Variants in SETBP1 observed in about 807,000 individuals in gnomAD.
SETBP1 encodes the protein SET-binding protein.
A neutral mutation model predicts 101.0 loss-of-function variants in SETBP1; 9 were observed. That is an observed-to-expected ratio of 0.09 (90% CI 0.05 to 0.16). The LOEUF is 0.16. Among genes scored for constraint, SETBP1 ranks in the 10% least tolerant of loss-of-function variants. The probability of loss-of-function intolerance (pLI) is 1.00; values close to 1 mark genes in which losing one functional copy is unlikely to be tolerated. For missense variants in SETBP1, 1,858 were observed against 2,033.8 expected, an observed-to-expected ratio of 0.91 and a Z score of 1.66; for synonymous variants, 818 against 788.5, an observed-to-expected ratio of 1.04 and a Z score of -0.63.
chr18:45,062,434 A>C (rs2073904464), intron 5 of SETBP1, among the ~76,000 whole-genome samples: 1 of 152,238 alleles, frequency 6.6e-6, no homozygotes, highest in Non-Finnish European at 1.5e-5. Context: ...GGAAAAGCAC[A>C]GCGAGATGAT....
At chr18:45,005,157 C>G (rs2072698369) in intron 4 of SETBP1, among the ~76,000 whole-genome samples, 1 of 152,148 alleles carries the variant, frequency 6.6e-6, no homozygotes, top group Non-Finnish European at 1.5e-5. Flanking sequence ...AAAATACAAC[C>G]TCATGTACTA....
At chr18:44,986,680 A>T (rs2072242665) in intron 4 of SETBP1, 1 of 151,170 alleles carries the variant, frequency 6.6e-6, no homozygotes, top group Non-Finnish European at 1.5e-5. Flanking sequence ...AGATACATTC[A>T]CCTAGGCCTA....
chr18:44,920,375 G>A lies in SETBP1; in HGVS notation c.541-29506G>A, dbSNP rs539331287. ...ATTTAAACCACTGCCCTACTCATCCGTGTATCCTAGAATGGGATCTGGCAT... is the reference window on the plus strand; with the variant it reads ...ATTTAAACCACTGCCCTACTCATCCATGTATCCTAGAATGGGATCTGGCAT... On this transcript the variant is annotated intron_variant, in intron 3 of 5. Transcript: ENST00000649279. Among the ~76,000 whole-genome samples, 54 of 152,298 alleles carry A rather than the reference G, an allele frequency of 3.5e-4. 1 individual carries two copies. Among genetic ancestry groups the A allele is most frequent in the Middle Eastern group, 3.4e-3 (1 of 294 alleles).
chr18:44,698,268 T>C (rs1309320912), intron 1 of SETBP1, among the ~76,000 whole-genome samples: 10 of 152,200 alleles, frequency 6.6e-5, no homozygotes, highest in Non-Finnish European at 1.5e-4. Context: ...ATTCCCTTAA[T>C]CCAACCCTCA....
intron 4 of SETBP1, among the ~76,000 whole-genome samples, chr18:44,976,686 GCT>G (rs1473592190): frequency 1.3e-5 from 2 of 152,176 alleles, no homozygotes; most frequent in South Asian, 4.1e-4. Flanking sequence ...TTGGATCCCA[GCT>G]CTGTCACTCA....
chr18:44,807,760 A>G (rs547481897), intron 2 of SETBP1, among the ~76,000 whole-genome samples: 1 of 152,318 alleles, frequency 6.6e-6, no homozygotes, highest in African/African-American at 2.4e-5. Flanking sequence ...CTGGAACCCA[A>G]CATCTTTTCC....
chr18:44,961,155 C>T (rs1245098488), intron 4 of SETBP1, among the ~76,000 whole-genome samples: 2 of 152,160 alleles, frequency 1.3e-5, no homozygotes, highest in Non-Finnish European at 2.9e-5. Context: ...AAGAGATGAC[C>T]TGGCAACCCA....
intron 3 of SETBP1, among the ~76,000 whole-genome samples, chr18:44,914,245 G>A (rs2070378760): frequency 6.6e-6 from 1 of 152,188 alleles, no homozygotes; most frequent in Non-Finnish European, 1.5e-5. Flanking sequence ...ATGTGTCATT[G>A]AGAATGTGGG....
At chr18:44,806,637 T>C (rs1159306416) in intron 2 of SETBP1, among the ~76,000 whole-genome samples, 67 of 106,322 alleles carry the variant, frequency 6.3e-4, no homozygotes, top group African/African-American at 2.5e-3. Flanking sequence ...TTTTTTTTTT[T>C]TTTTTTTTTT....
intron 2 of SETBP1, among the ~76,000 whole-genome samples, chr18:44,835,746 A>G (rs928633601): frequency 4.6e-5 from 7 of 152,202 alleles, no homozygotes; most frequent in African/African-American, 1.7e-4. Flanking sequence ...AAGCCAGAGC[A>G]AAGCTGTGAC....
intron 4 of SETBP1, among the ~76,000 whole-genome samples, chr18:45,027,211 T>C (rs758452449): frequency 1.2e-4 from 18 of 152,294 alleles, no homozygotes; most frequent in Admixed American, 3.3e-4. Flanking sequence ...TGAACAAAAA[T>C]GTTATCTCCT....
intron 2 of SETBP1, among the ~76,000 whole-genome samples, chr18:44,791,182 T>C (rs550748658): frequency 3.3e-5 from 5 of 152,262 alleles, no homozygotes; most frequent in Admixed American, 1.3e-4. Context: ...GAGACATTTT[T>C]AATGTCACAG....
intron 4 of SETBP1, among the ~76,000 whole-genome samples, chr18:44,957,371 T>G (rs2071509555): frequency 1.5e-5 from 2 of 132,420 alleles, no homozygotes; most frequent in South Asian, 4.6e-4. Flanking sequence ...TTCAAGCTCC[T>G]ATCAGATAAT....
chr18:44,818,496 G>A (rs1307733995), intron 2 of SETBP1, among the ~76,000 whole-genome samples: 2 of 152,122 alleles, frequency 1.3e-5, no homozygotes, highest in Admixed American at 1.3e-4. Flanking sequence ...TGGTCAGTGG[G>A]ATAGTGGCCA....
chr18:44,697,664 T>C (rs2069042642), intron 1 of SETBP1, among the ~76,000 whole-genome samples: 1 of 152,224 alleles, frequency 6.6e-6, no homozygotes, highest in Non-Finnish European at 1.5e-5. Flanking sequence ...TGCAATCATG[T>C]TAGAGAAATA....
chr18:45,042,214 A>G (rs1398001290), intron 5 of SETBP1, among the ~76,000 whole-genome samples: 3 of 142,592 alleles, frequency 2.1e-5, no homozygotes, highest in African/African-American at 7.9e-5. Flanking sequence ...CAGTGGTGCA[A>G]TCTTGGCTCA....
At chr18:45,022,825 A>G (rs1425627535) in intron 4 of SETBP1, among the ~76,000 whole-genome samples, 3 of 152,218 alleles carry the variant, frequency 2.0e-5, no homozygotes, top group Non-Finnish European at 4.4e-5. Context: ...GCGAGACTCC[A>G]TCTCAAAAAA....
intron 2 of SETBP1, among the ~76,000 whole-genome samples, chr18:44,817,452 G>A (rs550765681): frequency 1.3e-5 from 2 of 152,182 alleles, no homozygotes; most frequent in Admixed American, 6.5e-5. Flanking sequence ...TTGGGAGGCC[G>A]AGGCAGGCAA....
rs2071373790 is a variant in SETBP1, at chr18:44,952,212, G to A, written c.2872G>A (p.Glu958Lys). ...TGACCTCCAGTTTCTGGCAGACCTG[G>A]AGGAGCTAATCACCAAGTTCCAAGT... is the stretch of plus-strand genomic sequence containing the variant. ...RDDLQFLADL[E>K]ELITKFQVFR... The change falls in exon 4 of 6, where the codon GAG becomes AAG. Residue 958 changes from glutamate (E) to lysine (K), a missense_variant. Physicochemically the swap from Glu to Lys is moderately conservative, Grantham distance 56 (BLOSUM62 1). This residue lies in a region of SETBP1 where 255 missense variants were observed against 300.1 expected (regional missense o/e 0.85). Transcript: ENST00000649279. The A allele has an allele frequency of 6.2e-7, 1 of 1,614,038 alleles. No individual in the cohort carries two copies. Among genetic ancestry groups the A allele is most frequent in the Non-Finnish European group, 8.5e-7 (1 of 1,180,032 alleles).
Sources: gnomAD v4.1 joint callset for allele counts (sites outside exome capture counted in the v4.1 genomes callset) on GRCh38, gnomAD v4.1.1 for gene constraint, gnomAD v4.1.1 regional missense constraint, MANE v1.5 for transcripts, NCBI Gene and HGNC (gene_info 2026-07-23, HGNC 2026-07-21) for gene names.